The following OSBPL10 variants were observed in gnomAD, a reference collection of about 807,000 sequenced individuals.
OSBPL10 encodes the protein oxysterol-binding protein-related protein 10.
In OSBPL10, 49 loss-of-function variants were observed where a neutral mutation model predicts 81.7. The observed-to-expected ratio is 0.60, with a 90% confidence interval of 0.48 to 0.76. The LOEUF (loss-of-function observed/expected upper bound fraction) is 0.76, where lower values mean the gene tolerates loss of function less well. Among genes scored for constraint, OSBPL10 ranks in the 30% least tolerant of loss-of-function variants. The pLI is 0.00. For synonymous variants in OSBPL10, 419 were observed against 383.6 expected (o/e 1.09, Z -1.08); for missense variants, 923 against 987.8 (o/e 0.93, Z 0.88).
At chr3:31,925,786 C>G (rs1697056370) in intron 1 of OSBPL10, among the ~76,000 whole-genome samples, 1 of 151,984 alleles carries the variant, frequency 6.6e-6, no homozygotes, top group Non-Finnish European at 1.5e-5. Context: ...GCACTCCAGC[C>G]TGGGCAATAG....
At chr3:31,890,359 C>G (rs1695857472) in intron 1 of OSBPL10, among the ~76,000 whole-genome samples, 2 of 151,860 alleles carry the variant, frequency 1.3e-5, no homozygotes, top group African/African-American at 4.8e-5. Context: ...CAGTGGATTT[C>G]TTGGTTTTGT....
At chr3:32,009,838 T>A (rs72855519) in intron 2 of OSBPL10, among the ~76,000 whole-genome samples, 3,149 of 152,306 alleles carry the variant, frequency 0.021, 106 homozygotes, top group East Asian at 0.15. Flanking sequence ...GGCTTAGACA[T>A]GATTTATGAT....
At chr3:31,990,879 C>T in intron 2 of OSBPL10, 1 of 1,575,810 alleles carries the variant, frequency 6.3e-7, no homozygotes, top group Non-Finnish European at 8.6e-7. Flanking sequence ...ATGATTGTGG[C>T]AAAGCCTTTA....
chr3:31,664,060 T>C lies in OSBPL10; in HGVS notation c.2250+19A>G, dbSNP rs576102180. ...AGTTCTCTCCTGGGCAAGGGACCAA[T>C]GACAGGCGGCAGAGTTACCTCCTGG... On this transcript the variant is annotated intron_variant, in intron 11 of 11. Coordinates refer to ENST00000396556, the MANE Select transcript of OSBPL10 (RefSeq NM_017784.5). 1.2e-5 allele frequency: 20 copies of C among 1,614,100 alleles called. No individual in the cohort carries two copies. Among genetic ancestry groups the C allele is most frequent in the Non-Finnish European group, 1.7e-5 (20 of 1,180,002 alleles).
intron 4 of OSBPL10, among the ~76,000 whole-genome samples, chr3:31,756,328 C>T (rs971833945): frequency 7.9e-5 from 12 of 152,220 alleles, no homozygotes; most frequent in Non-Finnish European, 1.5e-5. Flanking sequence ...TTCCTTTCCA[C>T]TGTCCCTCAG....
chr3:31,827,029 C>T lies in OSBPL10; in HGVS notation c.729+3011G>A, dbSNP rs141759393. 2.9e-3 allele frequency among the ~76,000 whole-genome samples: 447 copies of T among 152,228 alleles called. 1 individual carries two copies. Among genetic ancestry groups the T allele is most frequent in the African/African-American group, 0.011 (437 of 41,532 alleles). ...AAGAAGCTGAAGAAATATACTGTCACCCAAGAGTACAAAAGCCAAACCAAA... is the reference window on the plus strand; with the variant it reads ...AAGAAGCTGAAGAAATATACTGTCATCCAAGAGTACAAAAGCCAAACCAAA... On this transcript the variant is annotated intron_variant, in intron 4 of 11. Transcript: ENST00000396556.
intron 5 of OSBPL10, among the ~76,000 whole-genome samples, chr3:31,740,601 A>G (rs80196054): frequency 0.054 from 8,183 of 151,872 alleles, 406 homozygotes; most frequent in African/African-American, 0.13. Context: ...CAAAAAAAAT[A>G]GGTTAAAGAA....
chr3:31,892,790 T>C (rs1174205390), intron 1 of OSBPL10, among the ~76,000 whole-genome samples: 2 of 152,162 alleles, frequency 1.3e-5, no homozygotes, highest in African/African-American at 2.4e-5. Flanking sequence ...TGCAGGCAGA[T>C]GCAGTGGGAA....
intron 4 of OSBPL10, among the ~76,000 whole-genome samples, chr3:31,758,640 T>C (rs960235443): frequency 1.3e-5 from 2 of 152,222 alleles, no homozygotes; most frequent in East Asian, 3.8e-4. Flanking sequence ...GGATGTGCAG[T>C]GAGGGTCTTC....
chr3:31,818,017 G>A (rs1559478876), intron 4 of OSBPL10, among the ~76,000 whole-genome samples: 1 of 152,130 alleles, frequency 6.6e-6, no homozygotes, highest in Non-Finnish European at 1.5e-5. Context: ...GAGGTAGGAG[G>A]ATGGCTTGAG....
chr3:31,799,045 A>T (rs1158613237), intron 4 of OSBPL10, among the ~76,000 whole-genome samples: 1 of 152,190 alleles, frequency 6.6e-6, no homozygotes. Flanking sequence ...AGTTCCTAAC[A>T]GTCCATGGGT....
chr3:32,045,448 G>T lies in OSBPL10; in HGVS notation n.298+1043C>A, dbSNP rs141126673. Among the ~76,000 whole-genome samples the T allele has an allele frequency of 2.1e-3, 326 of 152,290 alleles. 2 individuals carry two copies. Among genetic ancestry groups the T allele is most frequent in the African/African-American group, 7.3e-3 (305 of 41,564 alleles). ...ACAAAAAGACAGCCAAGACTGTTGG[G>T]CAAGAGGCTGGGAGAGGGCATAAAA... On this transcript the variant is annotated intron_variant and non_coding_transcript_variant, in intron 2 of 3. Coordinates refer to the OSBPL10 transcript ENST00000479173.
chr3:31,675,149 C>T (rs993776253), intron 8 of OSBPL10, among the ~76,000 whole-genome samples: 5 of 147,908 alleles, frequency 3.4e-5, no homozygotes, highest in African/African-American at 5.2e-5. Flanking sequence ...TTTTGTGGTT[C>T]ACCCTTCATG....
chr3:31,793,728 A>G (rs1699095525), intron 4 of OSBPL10, among the ~76,000 whole-genome samples: 1 of 152,234 alleles, frequency 6.6e-6, no homozygotes, highest in African/African-American at 2.4e-5. Flanking sequence ...ATGAGAAACA[A>G]TAGTGTGAAT....
intron 1 of OSBPL10, among the ~76,000 whole-genome samples, chr3:31,940,763 G>A (rs775384028): frequency 5.3e-5 from 8 of 152,002 alleles, no homozygotes; most frequent in East Asian, 1.9e-4. Context: ...GAGACTCAGC[G>A]TAGATGTTAC....
At chr3:31,678,326 G>T (rs1296134620) in intron 8 of OSBPL10, among the ~76,000 whole-genome samples, 2 of 152,168 alleles carry the variant, frequency 1.3e-5, no homozygotes, top group Non-Finnish European at 2.9e-5. Flanking sequence ...AGATGATGAT[G>T]AACATGCTGT....
rs150295856 is a variant in OSBPL10 at position 31,758,254 on chromosome 3, A to C, written c.730-10134T>G. 5.0e-4 allele frequency among the ~76,000 whole-genome samples: 76 copies of C among 152,298 alleles called. No individual in the cohort carries two copies. The East Asian group carries it at 0.013, about 26-fold the overall frequency. ...ATGATATGTACATGTGCATGTATTAAATTTCAGTTTTTCTGTTGTTAATCT... is the reference window on the plus strand; with the variant it reads ...ATGATATGTACATGTGCATGTATTACATTTCAGTTTTTCTGTTGTTAATCT... On this transcript the variant is annotated intron_variant, in intron 4 of 11. Coordinates refer to ENST00000396556, the MANE Select transcript of OSBPL10 (RefSeq NM_017784.5).
rs537876355 is a variant in OSBPL10, at chr3:31,847,371, C to CT, written c.538-17141dup. Among the ~76,000 whole-genome samples, 823 of 152,074 alleles carry CT rather than the reference C, an allele frequency of 5.4e-3. 6 individuals are homozygous for CT. The highest frequency in any genetic ancestry group is 0.01 in the Middle Eastern group (3 of 294). On this transcript the variant is annotated intron_variant, in intron 3 of 11. Transcript: ENST00000396556. ...CCACCACACCTGGCTGATTTTTGTA[C>CT]TTTGACGGGGTTTCACCATGTTGGT...
intron 1 of OSBPL10, among the ~76,000 whole-genome samples, chr3:31,927,247 A>G (rs938111057): frequency 1.3e-5 from 2 of 152,250 alleles, no homozygotes; most frequent in African/African-American, 4.8e-5. Flanking sequence ...AACATTTTCA[A>G]TTACCATGAA....
Sources: gnomAD v4.1 joint callset for allele counts (sites outside exome capture counted in the v4.1 genomes callset) on GRCh38, gnomAD v4.1.1 for gene constraint, MANE v1.5 for transcripts, NCBI Gene and HGNC (gene_info 2026-07-23, HGNC 2026-07-21) for gene names.